Variants in PIK3C2A observed in about 807,000 individuals in gnomAD.
The protein encoded by PIK3C2A is phosphatidylinositol 4-phosphate 3-kinase C2 domain-containing subunit alpha.
A neutral mutation model predicts 204.5 loss-of-function variants in PIK3C2A; 97 were observed. The ratio of observed to expected loss-of-function variants is 0.47; its 90% CI spans 0.40 to 0.56. The LOEUF (loss-of-function observed/expected upper bound fraction) is 0.56, where lower values mean the gene tolerates loss of function less well. Ranked by LOEUF, PIK3C2A falls within the 20% of genes least tolerant of loss-of-function variation. PIK3C2A has a pLI of 0.00. For missense variants in PIK3C2A, 1,735 were observed against 1,969.2 expected (o/e 0.88, Z 2.25); for synonymous variants, 653 against 664.4 (o/e 0.98, Z 0.26).
chr11:17,118,055 T>C (rs1849260399), intron 18 of PIK3C2A, among the ~76,000 whole-genome samples: 2 of 146,604 alleles, frequency 1.4e-5, no homozygotes, highest in African/African-American at 2.5e-5. Context: ...CTCTGAAAAA[T>C]AACAAGTTCA....
In PIK3C2A at chr11:17,115,081, A is replaced by G. The variant is rs61763070; in HGVS notation, c.3217-616T>C. ...CCAAATTAATCTATAATTCTTATCA[A>G]AATTCCAACTGCCTTTTTGCAGCAA... On this transcript the variant is annotated intron_variant, in intron 19 of 32. Coordinates refer to ENST00000691414, the MANE Select transcript of PIK3C2A (RefSeq NM_002645.4). Among the ~76,000 whole-genome samples, 702 of 152,310 alleles carry G rather than the reference A, an allele frequency of 4.6e-3. 10 individuals carry two copies. The highest frequency in any genetic ancestry group is 0.016 in the African/African-American group (668 of 41,578).
At chr11:17,143,980 TTTG>T (rs1850151467) in intron 8 of PIK3C2A, among the ~76,000 whole-genome samples, 1 of 152,054 alleles carries the variant, frequency 6.6e-6, no homozygotes, top group African/African-American at 2.4e-5. Context: ...GGGGTGTGGT[TTTG>T]TTAATTTTTT....
intron 13 of PIK3C2A, among the ~76,000 whole-genome samples, chr11:17,123,565 T>C (rs1440930753): frequency 6.6e-6 from 1 of 151,732 alleles, no homozygotes; most frequent in East Asian, 1.9e-4. Context: ...TGGCCAGATA[T>C]GAGAAGTTTT....
At chr11:17,106,838 C>A (rs751750344) in intron 22 of PIK3C2A, among the ~76,000 whole-genome samples, 45 of 152,202 alleles carry the variant, frequency 3.0e-4, no homozygotes, top group Non-Finnish European at 5.7e-4. Context: ...AAAAAAATTT[C>A]TTTAATCATA....
intron 5 of PIK3C2A, among the ~76,000 whole-genome samples, 188 bp from the exon 6 acceptor site, chr11:17,147,816 GAAGATGAAGACA>G (rs1403584595): frequency 6.6e-6 from 1 of 152,180 alleles, no homozygotes; most frequent in Non-Finnish European, 1.5e-5. Flanking sequence ...AAAAAAGAAA[GAAGATGAAGACA>G]AAGATGAAGA....
Position 17,112,693 on chromosome 11 carries a change from G to C in PIK3C2A, c.3322-27C>G, listed in dbSNP as rs775918780. ...TGCAAATACAACATGTTAAGCATTA[G>C]AAAGATAAATGAAAATGGATTTAGA... is the stretch of plus-strand genomic sequence containing the variant. On this transcript the variant is annotated intron_variant, in intron 20 of 32. Transcript: ENST00000691414. 4 of 1,207,048 alleles carry C rather than the reference G, an allele frequency of 3.3e-6. No individual in the cohort carries two copies. The African/African-American group carries it at 6.3e-5, about 19-fold the overall frequency. The allele number at this position is 1,207,048 out of a possible 1,614,324, so 74.8% of individuals were successfully genotyped here. A position where few individuals can be genotyped will look rare whatever the true frequency, so the allele number is the denominator to read the frequency against.
Position 17,169,096 on chromosome 11 carries a change from G to T in PIK3C2A, c.646C>A (p.Arg216Ser). 4 of 1,614,168 alleles carry T rather than the reference G, an allele frequency of 2.5e-6. No homozygotes were observed. The highest frequency in any genetic ancestry group is 3.4e-6 in the Non-Finnish European group (4 of 1,180,016). Residue 216 changes from arginine to serine, a missense_variant, in exon 2 of 33, where the codon CGT becomes AGT. This residue lies in a region of PIK3C2A where 536 missense variants were observed against 546.7 expected (regional missense o/e 0.98). Coordinates refer to ENST00000691414, the MANE Select transcript of PIK3C2A (RefSeq NM_002645.4). Reference sequence around the variant, plus strand: ...GCCATGTCAGTACTGACTACTGGACGATAGATAGGTAAGCTTCCTTGTGGA... The same window carrying T: ...GCCATGTCAGTACTGACTACTGGACTATAGATAGGTAAGCTTCCTTGTGGA... ...FHPQGSLPIY[R>S]PVVSTDMAKL...
At chr11:17,102,179 G>A (rs536378828) in intron 24 of PIK3C2A, among the ~76,000 whole-genome samples, 2 of 152,234 alleles carry the variant, frequency 1.3e-5, no homozygotes, top group African/African-American at 4.8e-5. Context: ...GCTCACGCCT[G>A]TAATCCCAGC....
In PIK3C2A at chr11:17,169,285, C is replaced by A. The variant is rs1228094363; in HGVS notation, c.457G>T (p.Ala153Ser). ...PPGLPGPSTY[A>S]LPSIYPSTYS... ...GTAGAAGGATAAATAGAAGGTAAAG[C>A]ATAAGTGGAAGGCCCAGGTAATCCA... Residue 153 changes from alanine (A) to serine (S), a missense_variant, in exon 2 of 33, where the codon GCT (alanine) becomes TCT (serine). Physicochemically the swap from Ala to Ser is moderately conservative, Grantham distance 99. Around this residue, in one of 6 missense-constraint regions of PIK3C2A, gnomAD observed 536 missense variants for 546.7 expected, o/e 0.98. Transcript: ENST00000691414. 4 of 1,614,014 alleles carry A rather than the reference C, an allele frequency of 2.5e-6. No homozygotes were observed. In the African/African-American group the frequency reaches 5.3e-5, roughly 22 times the overall value.
chr11:17,118,454 C>A (rs968642477), intron 18 of PIK3C2A, among the ~76,000 whole-genome samples, 191 bp downstream of exon 18: 2 of 152,086 alleles, frequency 1.3e-5, no homozygotes, highest in African/African-American at 4.8e-5. Flanking sequence ...TATAAGACAC[C>A]AAATTTTTGC....
intron 2 of PIK3C2A, among the ~76,000 whole-genome samples, chr11:17,156,105 C>T (rs1266542495): frequency 1.3e-5 from 2 of 152,142 alleles, no homozygotes; most frequent in African/African-American, 4.8e-5. Context: ...TAAACTTATA[C>T]TAACATCCTC....
At chr11:17,153,188 T>C (rs1440205087) in intron 3 of PIK3C2A, among the ~76,000 whole-genome samples, 1 of 152,052 alleles carries the variant, frequency 6.6e-6, no homozygotes, top group African/African-American at 2.4e-5. Context: ...TGCCAGCACT[T>C]TGGGAGGCCG....
intron 8 of PIK3C2A, among the ~76,000 whole-genome samples, chr11:17,143,107 G>T (rs539201538): frequency 2.0e-5 from 3 of 152,048 alleles, no homozygotes; most frequent in South Asian, 4.1e-4. Flanking sequence ...CGAAACTCCA[G>T]ATTCTAGTAA....
chr11:17,118,314 C>T (rs1006901516), intron 18 of PIK3C2A, among the ~76,000 whole-genome samples: 1 of 152,016 alleles, frequency 6.6e-6, no homozygotes, highest in Non-Finnish European at 1.5e-5. Flanking sequence ...ATCAAGCGAT[C>T]CACTAGCTTC....
rs1203076613 is a variant in PIK3C2A at position 17,129,318 on chromosome 11, G to A, written c.2381C>T (p.Pro794Leu). The A allele has an allele frequency of 4.3e-6, 7 of 1,613,508 alleles. No homozygotes were observed. The Admixed American group carries it at 1.0e-4, about 23-fold the overall frequency. ...TACTTACCGTTTAAAGTCAAAAAGA[G>A]GTAAAGAAACTTTGCCCAAAGCTTC... ...GPEALGKVSLPLFDFKRFLTC... is the reference protein window; with the variant it reads ...GPEALGKVSLLLFDFKRFLTC... The change falls in exon 13 of 33, where the codon CCT becomes CTT. Residue 794 changes from proline (P) to leucine (L), a missense_variant. By Grantham distance (98) the Pro-to-Leu change is moderately conservative. Coordinates refer to ENST00000691414, the MANE Select transcript of PIK3C2A (RefSeq NM_002645.4).
chr11:17,194,062 G>A (rs1482215383), intron 1 of PIK3C2A: 3 of 399,600 alleles, frequency 7.5e-6, no homozygotes, highest in Non-Finnish European at 1.3e-5. Flanking sequence ...GTGAGGCTAT[G>A]AAGGCCCTTG....
At position 17,105,253 on chromosome 11, in the gene PIK3C2A, T is replaced by C. The variant is rs1848771601; in HGVS notation, c.3597A>G (p.Glu1199=). ...CTTTAAAGGATCCTGTCACACCATA[T>C]TCCACTTGGATTTTCCTGAGGGTAT... ...ASDTLRKIQV[E]YGVTGSFKDK... The change falls in exon 23 of 33, where the codon GAA becomes GAG. Residue 1199 remains glutamate (E), a synonymous_variant. Coordinates refer to ENST00000691414, the MANE Select transcript of PIK3C2A (RefSeq NM_002645.4). 2 of 1,610,402 alleles carry C rather than the reference T, an allele frequency of 1.2e-6. No homozygotes were observed. Among genetic ancestry groups the C allele is most frequent in the Non-Finnish European group, 1.7e-6 (2 of 1,177,556 alleles).
At chr11:17,147,376 TAAG>T in intron 6 of PIK3C2A, 138 bp downstream of exon 6, 3 of 591,714 alleles carry the variant, frequency 5.1e-6, no homozygotes, top group Non-Finnish European at 9.2e-6. Context: ...CCTCATTTGC[TAAG>T]AAGATTCCTG....
chr11:17,106,064 G>C (rs1468000867), intron 22 of PIK3C2A, among the ~76,000 whole-genome samples: 1 of 141,508 alleles, frequency 7.1e-6, no homozygotes, highest in African/African-American at 2.6e-5. Context: ...AGCCAAGATA[G>C]CACTACTGCA....
Sources: allele counts gnomAD v4.1 joint callset (sites outside exome capture counted in the v4.1 genomes callset), GRCh38; gene constraint gnomAD v4.1.1; regional missense constraint gnomAD v4.1.1; transcripts MANE v1.5; gene names NCBI Gene and HGNC (gene_info 2026-07-23, HGNC 2026-07-21).